EIF4E3: variants seen among roughly 807,000 people sequenced by gnomAD.
EIF4E3 encodes eukaryotic translation initiation factor 4E family member 3.
Under a neutral mutation model 31.7 loss-of-function variants are expected in EIF4E3, and 26 were observed. That is an observed-to-expected ratio of 0.82 (90% confidence interval 0.60 to 1.14). The LOEUF (loss-of-function observed/expected upper bound fraction) is 1.14. EIF4E3 is among the 50% of genes most tolerant of loss of function. EIF4E3 has a pLI of 0.00. For missense variants in EIF4E3, 304 were observed against 270.9 expected, an observed-to-expected ratio of 1.12 and a Z score of -0.86; for synonymous variants, 128 against 107.7, an observed-to-expected ratio of 1.19 and a Z score of -1.17.
At chr3:71,720,908 T>C (rs949763203) in intron 1 of EIF4E3, among the ~76,000 whole-genome samples, 2 of 152,114 alleles carry the variant, frequency 1.3e-5, no homozygotes, top group African/African-American at 4.8e-5. Context: ...GTATGAAATA[T>C]AGAACTGGAT....
At chr3:71,754,025 G>C (rs555040525), upstream of EIF4E3, 1 of 1,147,598 alleles carries the variant, frequency 8.7e-7, no homozygotes, top group Non-Finnish European at 1.1e-6. The surrounding 1 kb of genome is among the most constrained non-coding windows in gnomAD (Gnocchi z 5.8). Flanking sequence ...CCCCGGGGCG[G>C]AGCGCACGGC....
chr3:71,737,153 C>G (rs1007192837), intron 1 of EIF4E3, among the ~76,000 whole-genome samples: 6 of 152,166 alleles, frequency 3.9e-5, no homozygotes, highest in Admixed American at 6.5e-5. Context: ...CATCACCCAG[C>G]AAGAGGTATG....
chr3:71,739,692 G>T (rs943518846), intron 1 of EIF4E3, among the ~76,000 whole-genome samples: 3 of 151,492 alleles, frequency 2.0e-5, no homozygotes, highest in Admixed American at 6.6e-5. Flanking sequence ...GTGAGACTCT[G>T]TCTGAAAAAA....
chr3:71,706,661 AT>A (rs1165042331), intron 2 of EIF4E3, among the ~76,000 whole-genome samples: 1 of 152,180 alleles, frequency 6.6e-6, no homozygotes, highest in Non-Finnish European at 1.5e-5. Flanking sequence ...TACAAAAAAA[AT>A]AAAATAATTT....
chr3:71,659,874 G>T, the EIF4E3 span, among the ~76,000 whole-genome samples: 1 of 152,158 alleles, frequency 6.6e-6, no homozygotes, highest in East Asian at 1.9e-4. Context: ...AGAAAGCGGG[G>T]AAGAGGCAGG....
intron 1 of EIF4E3, among the ~76,000 whole-genome samples, chr3:71,723,435 T>A (rs1437625491): frequency 6.6e-6 from 1 of 152,254 alleles, no homozygotes; most frequent in Non-Finnish European, 1.5e-5. Context: ...TGTATTTCAT[T>A]TGATGATCGA....
chr3:71,749,313 C>G (rs1449672530), intron 1 of EIF4E3, among the ~76,000 whole-genome samples: 2 of 152,200 alleles, frequency 1.3e-5, no homozygotes, highest in South Asian at 2.1e-4. Context: ...GGACATGAAC[C>G]AGAGTGGTCC....
upstream of EIF4E3, chr3:71,754,450 T>C: frequency 7.5e-7 from 1 of 1,336,860 alleles, no homozygotes; most frequent in Non-Finnish European, 9.6e-7. This position sits in a 1 kb window ranked among gnomAD's most constrained non-coding sequence, Gnocchi z 5.8. Flanking sequence ...GCAGAGCGCC[T>C]GGCCGGCTGG....
At chr3:71,694,082 C>T in intron 4 of EIF4E3, 141 bp from the exon 5 acceptor site, 2 of 705,090 alleles carry the variant, frequency 2.8e-6, no homozygotes, top group South Asian at 4.6e-5. Context: ...ACAGACACCT[C>T]CAAATCCTAG....
the EIF4E3 span, among the ~76,000 whole-genome samples, chr3:71,660,491 G>A: frequency 5.9e-5 from 9 of 152,006 alleles, no homozygotes; most frequent in East Asian, 3.9e-4. Context: ...CACCAAACCC[G>A]GGCCCTCTGA....
At chr3:71,716,005 A>C (rs760583054) in intron 1 of EIF4E3, among the ~76,000 whole-genome samples, 3 of 152,140 alleles carry the variant, frequency 2.0e-5, no homozygotes, top group Non-Finnish European at 4.4e-5. Context: ...CATTGTCAGC[A>C]TAGGTGTCCC....
intron 1 of EIF4E3, among the ~76,000 whole-genome samples, chr3:71,711,548 G>C (rs1299022722): frequency 1.3e-5 from 2 of 152,206 alleles, no homozygotes; most frequent in Non-Finnish European, 2.9e-5. Context: ...GCACACTAGA[G>C]ACAAAACTCA....
chr3:71,718,160 T>C (rs773882015), intron 1 of EIF4E3, among the ~76,000 whole-genome samples: 2 of 152,234 alleles, frequency 1.3e-5, no homozygotes, highest in Non-Finnish European at 2.9e-5. Flanking sequence ...GGCTCAGCTG[T>C]CAGAGGGAAA....
intron 6 of EIF4E3, among the ~76,000 whole-genome samples, chr3:71,689,412 C>CA (rs1183532973): frequency 6.6e-5 from 10 of 152,238 alleles, no homozygotes; most frequent in South Asian, 4.1e-4. Context: ...CAAAAGAGCA[C>CA]ACAAAAGCAA....
At chr3:71,703,811 C>CAAAA (rs370789059) in intron 2 of EIF4E3, among the ~76,000 whole-genome samples, 3,393 of 71,880 alleles carry the variant, frequency 0.047, 110 homozygotes, top group African/African-American at 0.1. Context: ...AAACACACAT[C>CAAAA]AAAAAAAAAA....
intron 1 of EIF4E3, among the ~76,000 whole-genome samples, chr3:71,735,355 T>C (rs1451629802): frequency 1.3e-5 from 2 of 152,220 alleles, no homozygotes; most frequent in Non-Finnish European, 2.9e-5. Flanking sequence ...AATCCTATGA[T>C]ATAAATCTAT....
chr3:71,710,361 G>A, intron 2 of EIF4E3, 51 bp downstream of exon 2: 1 of 1,528,082 alleles, frequency 6.5e-7, no homozygotes, highest in Non-Finnish European at 8.9e-7. Flanking sequence ...TGGGTGATTA[G>A]GTGTCTGACG....
intron 1 of EIF4E3, chr3:71,753,417 G>C (rs1426916787): frequency 2.0e-5 from 3 of 152,276 alleles, no homozygotes; most frequent in Admixed American, 6.6e-5. Flanking sequence ...CCCCGCGCAC[G>C]GCCACCGTGA....
chr3:71,724,499 T>C (rs1038563035), intron 1 of EIF4E3, among the ~76,000 whole-genome samples: 5 of 152,198 alleles, frequency 3.3e-5, no homozygotes, highest in African/African-American at 1.2e-4. Flanking sequence ...TCAGGGGGTC[T>C]TTCTGAAAAG....
Sources: allele counts gnomAD v4.1 joint callset (sites outside exome capture counted in the v4.1 genomes callset), GRCh38; gene constraint gnomAD v4.1.1; non-coding constraint Gnocchi (gnomAD v3.1); transcripts MANE v1.5; gene names NCBI Gene and HGNC (gene_info 2026-07-23, HGNC 2026-07-21).